RELN: variants seen among roughly 807,000 people sequenced by gnomAD.
The protein encoded by RELN is reelin.
Under a neutral mutation model 427.6 loss-of-function variants are expected in RELN, and 108 were observed. That is an observed-to-expected ratio of 0.25 (90% CI 0.22 to 0.30). RELN has a LOEUF of 0.30. RELN is among the 10% of genes least tolerant of loss of function. The probability of loss-of-function intolerance (pLI) is 1.00; values close to 1 mark genes in which losing one functional copy is unlikely to be tolerated. For missense variants in RELN, 3,715 were observed against 4,302.8 expected, an observed-to-expected ratio of 0.86 and a Z score of 3.82; for synonymous variants, 1,524 against 1,513.4, an observed-to-expected ratio of 1.01 and a Z score of -0.16.
rs60770395 is a variant in RELN, at chr7:103,678,156, A to AT, written c.1289+3959dup. On this transcript the variant is annotated intron_variant, in intron 11 of 64. Transcript: ENST00000428762. ...TATTGTGGCAATAGCAGTAAAACAG[A>AT]TTTTTTTAAAAAAGGTGTTTTGAAT... is the stretch of plus-strand genomic sequence containing the variant. Among the ~76,000 whole-genome samples the AT allele has an allele frequency of 2.6e-5, 4 of 152,068 alleles. 1 individual carries two copies. The South Asian group carries it at 6.2e-4, about 24-fold the overall frequency.
intron 1 of RELN, among the ~76,000 whole-genome samples, chr7:103,972,894 A>ATGTGTG (rs34930399): frequency 0.01 from 1,518 of 149,242 alleles, 24 homozygotes; most frequent in African/African-American, 0.031. Flanking sequence ...GCATATGATT[A>ATGTGTG]TGTGTGTGTG....
In RELN at chr7:103,735,608, G is replaced by C. The variant is rs1584447712; in HGVS notation, c.657-7401C>G. ...GATAACAATAAATAACTGAAATATT[G>C]TTTTCTCAAGAGCAGTCTAATGGCA... On this transcript the variant is annotated intron_variant, in intron 6 of 64. Coordinates refer to ENST00000428762, the MANE Select transcript of RELN (RefSeq NM_005045.4). Among the ~76,000 whole-genome samples, 4 of 152,180 alleles carry C rather than the reference G, an allele frequency of 2.6e-5. 1 individual carries two copies.
At chr7:103,533,352 G>A (rs1010667719) in intron 46 of RELN, among the ~76,000 whole-genome samples, 3 of 152,304 alleles carry the variant, frequency 2.0e-5, no homozygotes, top group East Asian at 1.9e-4. Context: ...CAGAGACAGC[G>A]ATTTTAATTT....
rs571100835 is a variant in RELN at position 103,484,129 on chromosome 7, C to T, written c.9984-279G>A. On this transcript the variant is annotated intron_variant, in intron 61 of 64. Transcript: ENST00000428762. ...TCCTGACCTCAGGTGATCCACCCAC[C>T]TCGGCCTCCCAAAGTGCTGGGATTA... 1.0e-4 allele frequency: 43 copies of T among 422,930 alleles called. No individual in the cohort carries two copies. In the East Asian group the frequency reaches 2.2e-3, roughly 21 times the overall value. The allele number at this position is 422,930 out of a possible 1,614,324, so 26.2% of individuals were successfully genotyped here.
chr7:103,987,149 T>C (rs945146995), intron 1 of RELN, among the ~76,000 whole-genome samples: 1 of 150,746 alleles, frequency 6.6e-6, no homozygotes, highest in East Asian at 2.0e-4. Flanking sequence ...TTTAATAAAA[T>C]AGATAACAGA....
intron 1 of RELN, among the ~76,000 whole-genome samples, chr7:103,973,268 G>A (rs1378520320): frequency 6.6e-6 from 1 of 152,158 alleles, no homozygotes; most frequent in African/African-American, 2.4e-5. Context: ...GTGTCTGTGT[G>A]GTTCTAGGGG....
chr7:103,515,479 C>G, intron 49 of RELN, 38 bp from the exon 50 acceptor site: 1 of 1,604,246 alleles, frequency 6.2e-7, no homozygotes, highest in Non-Finnish European at 8.5e-7. Context: ...GGGGAAGAAC[C>G]CTTGTCAAAT....
rs151214278 is a variant in RELN, at chr7:103,639,105, A to C, written c.2069+1438T>G. Among the ~76,000 whole-genome samples the C allele has an allele frequency of 3.7e-3, 564 of 152,298 alleles. 5 individuals are homozygous for C. The highest frequency in any genetic ancestry group is 0.013 in the African/African-American group (546 of 41,568). On this transcript the variant is annotated intron_variant, in intron 17 of 64. Transcript: ENST00000428762. ...AAGATGGTCTGATTATGGATAATGG[A>C]TGCACATAACAACTTGAGGAAGATA... is the stretch of plus-strand genomic sequence containing the variant.
At chr7:103,800,111 AAC>A (rs1333994288) in intron 3 of RELN, among the ~76,000 whole-genome samples, 3 of 152,192 alleles carry the variant, frequency 2.0e-5, no homozygotes, top group Non-Finnish European at 4.4e-5. Context: ...ACCCCTATTC[AAC>A]ACAGTGTTGG....
At chr7:103,576,051 T>C (rs1309085027) in intron 28 of RELN, among the ~76,000 whole-genome samples, 1 of 152,024 alleles carries the variant, frequency 6.6e-6, no homozygotes, top group Non-Finnish European at 1.5e-5. Flanking sequence ...GCTAACACGG[T>C]GAAACCCTGT....
At chr7:103,947,946 A>C (rs1190289747) in intron 1 of RELN, among the ~76,000 whole-genome samples, 2 of 152,170 alleles carry the variant, frequency 1.3e-5, no homozygotes, top group African/African-American at 4.8e-5. Context: ...TTCCTTTTTT[A>C]AAATAAGCTA....
chr7:103,542,853 T>G lies in RELN; in HGVS notation c.6549A>C (p.Leu2183Phe). Residue 2183 changes from leucine (L) to phenylalanine (F), a missense_variant, in exon 43 of 65, where the codon TTA becomes TTC. Transcript: ENST00000428762. ...GAGATGGTTTCCCACCACTCATTAATAAGAATCTATCAGATTCTAGCTGAC... is the reference window on the plus strand; with the variant it reads ...GAGATGGTTTCCCACCACTCATTAAGAAGAATCTATCAGATTCTAGCTGAC... ...FEGQLESDRF[L>F]LMSGGKPSRK... The G allele has an allele frequency of 1.2e-6, 2 of 1,614,196 alleles. No homozygotes were observed. Among genetic ancestry groups the G allele is most frequent in the South Asian group, 2.2e-5 (2 of 91,086 alleles).
chr7:103,873,020 G>A (rs35093250), intron 2 of RELN, among the ~76,000 whole-genome samples: 21,773 of 151,926 alleles, frequency 0.14, 1,868 homozygotes, highest in East Asian at 0.34. Context: ...AGACCACAGT[G>A]CAATCAAACT....
intron 4 of RELN, among the ~76,000 whole-genome samples, chr7:103,767,299 G>A (rs556384250): frequency 6.6e-6 from 1 of 152,234 alleles, no homozygotes; most frequent in South Asian, 2.1e-4. Context: ...GGTTCCTGAG[G>A]GTTTTTAATG....
intron 1 of RELN, among the ~76,000 whole-genome samples, chr7:103,980,173 A>AG (rs1796962641): frequency 6.6e-6 from 1 of 151,868 alleles, no homozygotes; most frequent in Admixed American, 6.5e-5. Flanking sequence ...AAAAAAAAAA[A>AG]AAATTCTTAA....
chr7:103,713,660 CTTT>C (rs60124892), intron 8 of RELN, among the ~76,000 whole-genome samples: 1,450 of 143,644 alleles, frequency 0.01, 26 homozygotes, highest in African/African-American at 0.035. Flanking sequence ...GGCATTTATC[CTTT>C]TTTTTTTTTT....
chr7:103,728,705 G>A (rs1476699825), intron 6 of RELN, among the ~76,000 whole-genome samples: 1 of 152,052 alleles, frequency 6.6e-6, no homozygotes, highest in Non-Finnish European at 1.5e-5. Context: ...ATTAAAAGGT[G>A]TTTTATACAT....
intron 1 of RELN, among the ~76,000 whole-genome samples, chr7:103,929,137 A>G (rs990262931): frequency 2.0e-5 from 3 of 151,640 alleles, no homozygotes; most frequent in Admixed American, 1.3e-4. Context: ...ATGAACCAAC[A>G]TCAAGTTAAA....
At chr7:103,511,450 T>A (rs1285431464) in intron 50 of RELN, among the ~76,000 whole-genome samples, 1 of 152,214 alleles carries the variant, frequency 6.6e-6, no homozygotes, top group Non-Finnish European at 1.5e-5. Flanking sequence ...TTATTTTTTT[T>A]AATACCGGAT....
Sources: allele counts gnomAD v4.1 joint callset (sites outside exome capture counted in the v4.1 genomes callset), GRCh38; gene constraint gnomAD v4.1.1; transcripts MANE v1.5; gene names NCBI Gene and HGNC (gene_info 2026-07-23, HGNC 2026-07-21).